The following PRKCB variants were observed in gnomAD, a reference collection of about 807,000 sequenced individuals.
PRKCB encodes protein kinase C beta.
In PRKCB, 13 loss-of-function variants were observed where a neutral mutation model predicts 81.5. That is an observed-to-expected ratio of 0.16 (90% CI 0.10 to 0.25). The LOEUF (loss-of-function observed/expected upper bound fraction) is 0.25. PRKCB is among the 10% of genes least tolerant of loss of function. The pLI is 1.00. For missense variants in PRKCB, 509 were observed against 875.7 expected (o/e 0.58, Z 5.29); for synonymous variants, 335 against 321.4 (o/e 1.04, Z -0.45).
At chr16:24,006,202 G>A (rs1184500072) in intron 3 of PRKCB, among the ~76,000 whole-genome samples, 10 of 152,114 alleles carry the variant, frequency 6.6e-5, no homozygotes. Context: ...AGTTCTCGTG[G>A]GCGATACCAA....
At chr16:24,188,439 G>T (rs999576736) in intron 15 of PRKCB, among the ~76,000 whole-genome samples, 1 of 152,160 alleles carries the variant, frequency 6.6e-6, no homozygotes, top group Non-Finnish European at 1.5e-5. Context: ...CAGAGACTCC[G>T]AATTAATGCT....
intron 2 of PRKCB, chr16:23,893,845 T>A (rs1963331405): frequency 6.6e-6 from 1 of 152,280 alleles, no homozygotes; most frequent in South Asian, 2.1e-4. Flanking sequence ...CAACCATTGT[T>A]ACAAATAATA....
chr16:24,079,732 A>C (rs1460134841), intron 5 of PRKCB, among the ~76,000 whole-genome samples: 1 of 152,198 alleles, frequency 6.6e-6, no homozygotes, highest in African/African-American at 2.4e-5. Flanking sequence ...ATACTTTTAA[A>C]AAATGTAATT....
intron 2 of PRKCB, among the ~76,000 whole-genome samples, chr16:23,910,310 G>A (rs887250457): frequency 6.6e-6 from 1 of 152,142 alleles, no homozygotes; most frequent in Non-Finnish European, 1.5e-5. Context: ...TTCCCCAAGC[G>A]CCTGGTGTGC....
intron 5 of PRKCB, among the ~76,000 whole-genome samples, chr16:24,083,655 G>A (rs1353095435): frequency 3.9e-5 from 6 of 152,134 alleles, no homozygotes; most frequent in Non-Finnish European, 4.4e-5. Context: ...GAAACAGATC[G>A]GTGGTTGCCA....
intron 2 of PRKCB, among the ~76,000 whole-genome samples, chr16:23,966,611 G>A (rs573197098): frequency 2.6e-5 from 4 of 152,172 alleles, no homozygotes; most frequent in South Asian, 2.1e-4. Context: ...ATTGTGTCTC[G>A]CCTGCCTTTA....
At chr16:24,191,539 C>T in intron 16 of PRKCB, 1 of 238,594 alleles carries the variant, frequency 4.2e-6, no homozygotes, top group Non-Finnish European at 8.0e-6. Context: ...AGTTCAGATC[C>T]ATTTTTGGAC....
At chr16:24,041,643 A>G (rs766265961) in intron 5 of PRKCB, among the ~76,000 whole-genome samples, 2 of 152,150 alleles carry the variant, frequency 1.3e-5, no homozygotes, top group Non-Finnish European at 2.9e-5. Flanking sequence ...GGTACTCCCA[A>G]TATTGTGATA....
At chr16:24,065,811 C>T (rs1422546499) in intron 5 of PRKCB, among the ~76,000 whole-genome samples, 1 of 152,166 alleles carries the variant, frequency 6.6e-6, no homozygotes, top group Non-Finnish European at 1.5e-5. Flanking sequence ...GACTTCAAGT[C>T]CAGTCTGGGC....
At position 23,912,507 on chromosome 16, in the gene PRKCB, C is replaced by CTTTTTTTTTTTTTTT. The variant is rs1210105406; in HGVS notation, c.205+75110_205+75124dup. On this transcript the variant is annotated intron_variant, in intron 2 of 16. Transcript: ENST00000643927. ...TCTTCTTTTCCTTTCTTTCTTTCTT[C>CTTTTTTTTTTTTTTT]TTTTTTTTTTTTTTTTTTTTTTTGA... 8.3e-4 allele frequency among the ~76,000 whole-genome samples: 60 copies of CTTTTTTTTTTTTTTT among 72,080 alleles called. 2 individuals carry two copies. Among genetic ancestry groups the CTTTTTTTTTTTTTTT allele is most frequent in the Non-Finnish European group, 9.5e-4 (40 of 42,186 alleles). The allele number at this position is 72,080 out of a possible 152,430, so 47.3% of individuals were successfully genotyped here.
At chr16:23,880,786 C>G (rs879887946) in intron 2 of PRKCB, among the ~76,000 whole-genome samples, 3 of 152,018 alleles carry the variant, frequency 2.0e-5, no homozygotes, top group African/African-American at 7.3e-5. Flanking sequence ...AGAAAATAAT[C>G]TTATCAAGCA....
chr16:24,037,387 G>A (rs1965636896), intron 5 of PRKCB, among the ~76,000 whole-genome samples: 1 of 152,136 alleles, frequency 6.6e-6, no homozygotes, highest in Non-Finnish European at 1.5e-5. Context: ...CAATAGCTAA[G>A]ATGTGTTTAG....
chr16:24,163,928 T>C (rs1967303080), intron 10 of PRKCB, among the ~76,000 whole-genome samples: 1 of 152,210 alleles, frequency 6.6e-6, no homozygotes, highest in South Asian at 2.1e-4. Flanking sequence ...CCAGGGCTCT[T>C]AACCACAGCA....
chr16:24,032,495 G>A (rs1398727198), intron 4 of PRKCB, among the ~76,000 whole-genome samples: 1 of 152,254 alleles, frequency 6.6e-6, no homozygotes, highest in African/African-American at 2.4e-5. Flanking sequence ...CTCAGCTGAT[G>A]TCACGCATGT....
chr16:23,847,555 T>TCCAA (rs1262587466), intron 2 of PRKCB, among the ~76,000 whole-genome samples: 1 of 143,114 alleles, frequency 7.0e-6, no homozygotes, highest in East Asian at 2.2e-4. Context: ...CATCCAACCA[T>TCCAA]CCATCCATCC....
At chr16:23,972,323 G>A (rs1337828970) in intron 2 of PRKCB, among the ~76,000 whole-genome samples, 3 of 152,152 alleles carry the variant, frequency 2.0e-5, no homozygotes, top group South Asian at 4.1e-4. Context: ...GGTGGTACAT[G>A]CGTATAATAC....
chr16:24,020,661 T>C (rs924962897), intron 3 of PRKCB, among the ~76,000 whole-genome samples: 5 of 152,210 alleles, frequency 3.3e-5, no homozygotes, highest in Non-Finnish European at 5.9e-5. Context: ...CAGCTAACTC[T>C]GGAGCCTGCG....
chr16:24,041,342 G>A (rs763201674), intron 5 of PRKCB, among the ~76,000 whole-genome samples: 16 of 151,934 alleles, frequency 1.1e-4, no homozygotes, highest in African/African-American at 2.2e-4. Context: ...GTGAGCCACC[G>A]CACCCAGCTA....
intron 3 of PRKCB, among the ~76,000 whole-genome samples, chr16:24,021,012 C>CTTTCTTTCTTTCTTTCTTTCTTTCTT (rs1965360678): frequency 2.0e-4 from 28 of 141,638 alleles, no homozygotes; most frequent in African/African-American, 5.5e-4. Flanking sequence ...TTCTTTCTTT[C>CTTTCTTTCTTTCTTTCTTTCTTTCTT]TTTCTTTCTT....
Sources: gnomAD v4.1 joint callset for allele counts (sites outside exome capture counted in the v4.1 genomes callset) on GRCh38, gnomAD v4.1.1 for gene constraint, MANE v1.5 for transcripts, NCBI Gene and HGNC (gene_info 2026-07-23, HGNC 2026-07-21) for gene names.